LRMDA: variants seen among roughly 807,000 people sequenced by gnomAD.
LRMDA encodes the protein leucine rich melanocyte differentiation associated, also known as leucine-rich melanocyte differentiation-associated protein.
Under a neutral mutation model 29.8 loss-of-function variants are expected in LRMDA, and 18 were observed. The ratio of observed to expected loss-of-function variants is 0.60; its 90% CI spans 0.42 to 0.90. The LOEUF (loss-of-function observed/expected upper bound fraction) is 0.90, where lower values mean the gene tolerates loss of function less well. Ranked by LOEUF, LRMDA falls within the 40% of genes least tolerant of loss-of-function variation. LRMDA has a pLI of 0.00. For synonymous variants in LRMDA, 125 were observed against 109.4 expected, an observed-to-expected ratio of 1.14 and a Z score of -0.89; for missense variants, 273 against 273.9, an observed-to-expected ratio of 1.00 and a Z score of 0.02.
chr10:76,255,142 C>T (rs1176513940), intron 5 of LRMDA, among the ~76,000 whole-genome samples: 2 of 152,134 alleles, frequency 1.3e-5, no homozygotes, highest in African/African-American at 4.8e-5. Flanking sequence ...AAGTGAGTCA[C>T]CAAAAAGGTC....
intron 2 of LRMDA, among the ~76,000 whole-genome samples, chr10:75,773,487 C>T (rs1192107112): frequency 6.6e-6 from 1 of 152,092 alleles, no homozygotes; most frequent in Non-Finnish European, 1.5e-5. Flanking sequence ...ACACTGGGAG[C>T]CCCAGAACTC....
chr10:76,276,010 T>A lies in LRMDA; in HGVS notation c.517-48391T>A, dbSNP rs1194020663. On this transcript the variant is annotated intron_variant, in intron 5 of 6. Coordinates refer to ENST00000611255, the MANE Select transcript of LRMDA (RefSeq NM_001305581.2). ...TGTTATTGAGACAATCTAGTGAATC[T>A]ATCTATCTATCTATCTATCTATCTA... Among the ~76,000 whole-genome samples, 5 of 69,374 alleles carry A rather than the reference T, an allele frequency of 7.2e-5. No homozygotes were observed. In the South Asian group the frequency reaches 1.1e-3, roughly 16 times the overall value. The allele number at this position is 69,374 out of a possible 152,430, so 45.5% of individuals were successfully genotyped here.
chr10:75,810,844 G>A (rs1384169740), intron 2 of LRMDA, among the ~76,000 whole-genome samples: 1 of 152,232 alleles, frequency 6.6e-6, no homozygotes, highest in Admixed American at 6.5e-5. Flanking sequence ...TGGAGCAGAT[G>A]CTGTATAGAC....
intron 2 of LRMDA, among the ~76,000 whole-genome samples, chr10:75,949,815 A>C (rs563697585): frequency 2.0e-5 from 3 of 152,136 alleles, no homozygotes; most frequent in Non-Finnish European, 4.4e-5. Context: ...TACCAAGAGC[A>C]CCAGTTCTCA....
chr10:75,450,732 T>C (rs1844451189), intron 2 of LRMDA: 1 of 152,260 alleles, frequency 6.6e-6, no homozygotes, highest in Admixed American at 6.5e-5. Context: ...CTGTTATTAA[T>C]GTAACTGTCA....
intron 2 of LRMDA, among the ~76,000 whole-genome samples, chr10:75,803,348 A>C (rs1410025345): frequency 6.6e-6 from 1 of 152,222 alleles, no homozygotes; most frequent in African/African-American, 2.4e-5. Context: ...TCTCATGATC[A>C]GATGAGGAAG....
intron 2 of LRMDA, among the ~76,000 whole-genome samples, chr10:75,761,795 T>G (rs533170832): frequency 4.9e-5 from 6 of 122,382 alleles, no homozygotes; most frequent in South Asian, 2.3e-4. Context: ...TATACTTTTG[T>G]TTTTTTTTTT....
At chr10:75,650,036 T>C (rs948239696) in intron 2 of LRMDA, among the ~76,000 whole-genome samples, 75 of 152,340 alleles carry the variant, frequency 4.9e-4, no homozygotes, top group African/African-American at 1.7e-3. Context: ...ATCAGATATG[T>C]GATTTGCAAA....
intron 2 of LRMDA, among the ~76,000 whole-genome samples, chr10:75,530,219 T>G (rs1845461016): frequency 6.6e-6 from 1 of 152,070 alleles, no homozygotes; most frequent in African/African-American, 2.4e-5. Context: ...TCCTGCCTCT[T>G]TATATAGTTT....
chr10:76,143,438 G>A (rs1461453992), intron 5 of LRMDA, among the ~76,000 whole-genome samples: 1 of 151,922 alleles, frequency 6.6e-6, no homozygotes, highest in South Asian at 2.1e-4. Context: ...TTCTCTGATG[G>A]CCAGTGATGA....
intron 6 of LRMDA, among the ~76,000 whole-genome samples, chr10:76,447,751 T>A (rs1007219811): frequency 3.3e-5 from 5 of 152,188 alleles, no homozygotes. Flanking sequence ...CCTACGAGTT[T>A]TATGCTGTGA....
intron 2 of LRMDA, among the ~76,000 whole-genome samples, chr10:75,658,566 G>A (rs933556007): frequency 3.9e-5 from 6 of 152,120 alleles, no homozygotes; most frequent in Non-Finnish European, 8.8e-5. Context: ...AATTCCCAAA[G>A]CACATTTGCA....
chr10:75,663,137 G>A (rs547855720), intron 2 of LRMDA, among the ~76,000 whole-genome samples: 2 of 152,276 alleles, frequency 1.3e-5, no homozygotes, highest in African/African-American at 4.8e-5. Flanking sequence ...AGAGTAGAGT[G>A]GCATTTTCTG....
At chr10:76,529,643 C>G (rs1415593669) in intron 6 of LRMDA, among the ~76,000 whole-genome samples, 1 of 152,152 alleles carries the variant, frequency 6.6e-6, no homozygotes, top group Non-Finnish European at 1.5e-5. Context: ...CTACTCTAAA[C>G]TCTTAATTAT....
chr10:75,834,086 T>C (rs1385291469), intron 2 of LRMDA, among the ~76,000 whole-genome samples: 1 of 152,210 alleles, frequency 6.6e-6, no homozygotes, highest in African/African-American at 2.4e-5. Context: ...TTCTTGTCTG[T>C]AGAACTTGCC....
At chr10:75,453,008 G>C (rs1050929357) in intron 2 of LRMDA, among the ~76,000 whole-genome samples, 1 of 152,206 alleles carries the variant, frequency 6.6e-6, no homozygotes, top group Non-Finnish European at 1.5e-5. Flanking sequence ...GGGATCTTTT[G>C]AGAGGAAAAG....
intron 6 of LRMDA, among the ~76,000 whole-genome samples, chr10:76,492,003 A>T (rs537024210): frequency 6.6e-6 from 1 of 152,058 alleles, no homozygotes; most frequent in East Asian, 2.0e-4. Flanking sequence ...CCTTATGTCA[A>T]TTGCATTTTT....
rs572583183 is a variant in LRMDA, at chr10:75,735,594, C to T, written c.131+297100C>T. On this transcript the variant is annotated intron_variant, in intron 2 of 6. Transcript: ENST00000611255. ...CTAGCCATGCTGGAGGCACCTTGCT[C>T]CTGTGTTCTGTGGTGATTTGAGGCT... Among the ~76,000 whole-genome samples, 26 of 152,278 alleles carry T rather than the reference C, an allele frequency of 1.7e-4. No individual in the cohort carries two copies. In the South Asian group the frequency reaches 5.0e-3, roughly 29 times the overall value.
At chr10:75,788,348 T>C (rs1285663961) in intron 2 of LRMDA, among the ~76,000 whole-genome samples, 2 of 152,260 alleles carry the variant, frequency 1.3e-5, no homozygotes, top group African/African-American at 4.8e-5. Context: ...TCTTTAGCTG[T>C]GGCTTTCATT....
Sources: allele counts gnomAD v4.1 joint callset (sites outside exome capture counted in the v4.1 genomes callset), GRCh38; gene constraint gnomAD v4.1.1; transcripts MANE v1.5; gene names NCBI Gene and HGNC (gene_info 2026-07-23, HGNC 2026-07-21).